Variants in PEBP4 observed in about 807,000 individuals in gnomAD.
The protein encoded by PEBP4 is phosphatidylethanolamine-binding protein 4.
Under a neutral mutation model 23.9 loss-of-function variants are expected in PEBP4, and 22 were observed. That is an observed-to-expected ratio of 0.92 (90% confidence interval 0.66 to 1.31). The LOEUF is 1.31. Ranked by LOEUF, PEBP4 falls within the 40% of genes most tolerant of loss-of-function variation. The probability of loss-of-function intolerance (pLI) is 0.00; values close to 1 mark genes in which losing one functional copy is unlikely to be tolerated. For synonymous variants in PEBP4, 112 were observed against 99.3 expected (o/e 1.13, Z -0.76); for missense variants, 324 against 281.7 (o/e 1.15, Z -1.07).
intron 3 of PEBP4, among the ~76,000 whole-genome samples, chr8:22,856,649 G>A (rs1807658698): frequency 6.6e-6 from 1 of 152,178 alleles, no homozygotes; most frequent in South Asian, 2.1e-4. Flanking sequence ...CCCAGAAGAA[G>A]AGGTTTCTGT....
intron 3 of PEBP4, among the ~76,000 whole-genome samples, chr8:22,858,081 T>G (rs569996207): frequency 6.6e-6 from 1 of 152,212 alleles, no homozygotes; most frequent in Non-Finnish European, 1.5e-5. Context: ...AGACATTTTG[T>G]TCTTGCTGCT....
At chr8:22,761,206 T>C (rs1805500179) in intron 4 of PEBP4, among the ~76,000 whole-genome samples, 2 of 152,096 alleles carry the variant, frequency 1.3e-5, no homozygotes, top group Non-Finnish European at 2.9e-5. Flanking sequence ...ATCTTGCAGG[T>C]GGGCCTGCCC....
At position 22,861,071 on chromosome 8, in the gene PEBP4, T is replaced by A. The variant is rs561644269; in HGVS notation, c.259-43336A>T. Among the ~76,000 whole-genome samples, 7 of 152,356 alleles carry A rather than the reference T, an allele frequency of 4.6e-5. No homozygotes were observed. The East Asian group carries it at 1.2e-3, about 25-fold the overall frequency. On this transcript the variant is annotated intron_variant, in intron 3 of 6. Transcript: ENST00000256404. ...ATTTGCATTCCTTGGAACGTAGAGC[T>A]TCTTGACTTCTAAGTGACTGGCCAG...
chr8:22,860,209 C>CATATATATGTATATATATATACACAT lies in PEBP4; in HGVS notation c.259-42475_259-42474insATGTGTATATATATATACATATATAT, dbSNP rs200272561. 8.3e-3 allele frequency among the ~76,000 whole-genome samples: 879 copies of CATATATATGTATATATATATACACAT among 105,950 alleles called. 68 individuals are homozygous for CATATATATGTATATATATATACACAT. Among genetic ancestry groups the CATATATATGTATATATATATACACAT allele is most frequent in the African/African-American group, 0.017 (415 of 24,146 alleles). 69.5% of individuals were successfully genotyped at this position (105,950 alleles called of 152,430 possible). Reference sequence around the variant, plus strand: ...ATATATATGTATATATATATATACACATATATGTATATATATATATGGTGC... The same window carrying CATATATATGTATATATATATACACAT: ...ATATATATGTATATATATATATACACATATATATGTATATATATATACACATATATATGTATATATATATATGGTGC... On this transcript the variant is annotated intron_variant, in intron 3 of 6. Transcript: ENST00000256404.
chr8:22,764,061 T>C (rs554264091), intron 4 of PEBP4, among the ~76,000 whole-genome samples: 1 of 152,304 alleles, frequency 6.6e-6, no homozygotes. Flanking sequence ...ATGTCAAGCC[T>C]TTCCTGGCCC....
Position 22,934,749 on chromosome 8 carries a change from T to C in PEBP4, c.145-7029A>G, listed in dbSNP as rs541861599. ...AATAACAAAATGGCAAAATAAGTCA[T>C]TGAGTCATTGTCTATCAGTAAATGG... On this transcript the variant is annotated intron_variant, in intron 1 of 1. Coordinates refer to the PEBP4 transcript ENST00000522278. Among the ~76,000 whole-genome samples, 19 of 152,326 alleles carry C rather than the reference T, an allele frequency of 1.2e-4. No individual in the cohort carries two copies. The South Asian group carries it at 2.3e-3, about 18-fold the overall frequency.
At chr8:22,917,632 C>T (rs945291671) in intron 3 of PEBP4, among the ~76,000 whole-genome samples, 1 of 100,110 alleles carries the variant, frequency 1.0e-5, no homozygotes, top group East Asian at 2.3e-4. Context: ...ATAGGACCTG[C>T]CTTGCATTTC....
chr8:22,809,491 C>T (rs1239281016), intron 4 of PEBP4, among the ~76,000 whole-genome samples: 1 of 152,042 alleles, frequency 6.6e-6, no homozygotes, highest in Non-Finnish European at 1.5e-5. Flanking sequence ...GGTGTGGAAC[C>T]CGTTTAGACT....
chr8:22,923,278 T>A (rs1333489286), intron 2 of PEBP4, among the ~76,000 whole-genome samples: 2 of 151,952 alleles, frequency 1.3e-5, no homozygotes, highest in African/African-American at 4.8e-5. Context: ...AAGAATTAGA[T>A]CACAAGGGCT....
rs1563212437 is a variant in PEBP4 at position 22,775,523 on chromosome 8, G to A, written c.357+42114C>T. ...AAGAGACAAGGTGGGTGGAATGGGG[G>A]AAGCCAGCTGGCTGTGGGCTCTATT... On this transcript the variant is annotated intron_variant, in intron 4 of 6. Transcript: ENST00000256404. This position sits in a 1 kb window ranked among gnomAD's most constrained non-coding sequence, Gnocchi z 4.8. Among the ~76,000 whole-genome samples the A allele has an allele frequency of 1.3e-5, 2 of 152,180 alleles. No individual in the cohort carries two copies. Among genetic ancestry groups the A allele is most frequent in the South Asian group, 2.1e-4 (1 of 4,828 alleles).
intron 3 of PEBP4, among the ~76,000 whole-genome samples, chr8:22,917,407 A>T (rs774689578): frequency 2.6e-5 from 4 of 152,092 alleles, no homozygotes; most frequent in Non-Finnish European, 5.9e-5. Flanking sequence ...CCTAGGAAGA[A>T]CTATCCTTCC....
chr8:22,874,501 C>G (rs1248031795), intron 3 of PEBP4, among the ~76,000 whole-genome samples: 1 of 152,192 alleles, frequency 6.6e-6, no homozygotes, highest in Admixed American at 6.5e-5. Context: ...AAAGCTGTCT[C>G]TTGCCAGCCC....
rs147059433 is a variant in PEBP4 at position 22,736,180 on chromosome 8, G to A, written c.358-8960C>T. ...AGCTGGCTGAGCCACAGGAAATTGT[G>A]GAGCCACCTCCTTTTGACTCTTGCC... On this transcript the variant is annotated intron_variant, in intron 4 of 6. Coordinates refer to ENST00000256404, the MANE Select transcript of PEBP4 (RefSeq NM_144962.3). 2.4e-3 allele frequency among the ~76,000 whole-genome samples: 365 copies of A among 152,188 alleles called. 2 individuals are homozygous for A. Among genetic ancestry groups the A allele is most frequent in the Middle Eastern group, 0.02 (6 of 294 alleles).
At chr8:22,938,554 G>A (rs1809569626) in intron 1 of PEBP4, among the ~76,000 whole-genome samples, 1 of 152,168 alleles carries the variant, frequency 6.6e-6, no homozygotes, top group Non-Finnish European at 1.5e-5. Flanking sequence ...CTTCATGGAG[G>A]AGGGACCCCA....
intron 4 of PEBP4, among the ~76,000 whole-genome samples, chr8:22,730,173 G>A (rs1050835884): frequency 1.3e-5 from 2 of 152,174 alleles, no homozygotes; most frequent in African/African-American, 4.8e-5. Context: ...AAAATACGGA[G>A]ATATTATCTG....
intron 3 of PEBP4, among the ~76,000 whole-genome samples, chr8:22,905,657 T>G (rs888580395): frequency 2.6e-5 from 4 of 152,002 alleles, no homozygotes; most frequent in African/African-American, 9.7e-5. Context: ...TCTCTAGGGG[T>G]CCGGAGGCAG....
intron 4 of PEBP4, among the ~76,000 whole-genome samples, chr8:22,791,807 A>C (rs567533625): frequency 6.6e-6 from 1 of 152,312 alleles, no homozygotes; most frequent in South Asian, 2.1e-4. Context: ...GTACAGCAAT[A>C]AACAAGTCAG....
chr8:22,904,389 C>A (rs1362517559), intron 3 of PEBP4, among the ~76,000 whole-genome samples: 2 of 152,208 alleles, frequency 1.3e-5, no homozygotes, highest in African/African-American at 4.8e-5. Flanking sequence ...CCAGCATTAA[C>A]CCTGCAGGGC....
intron 4 of PEBP4, among the ~76,000 whole-genome samples, chr8:22,779,135 G>C (rs187919929): frequency 6.6e-6 from 1 of 152,044 alleles, no homozygotes; most frequent in Non-Finnish European, 1.5e-5. Flanking sequence ...AGCTCTGCGC[G>C]TGTGATGGTG....
Sources: gnomAD v4.1 joint callset for allele counts (sites outside exome capture counted in the v4.1 genomes callset) on GRCh38, gnomAD v4.1.1 for gene constraint, Gnocchi (gnomAD v3.1) non-coding constraint, MANE v1.5 for transcripts, NCBI Gene and HGNC (gene_info 2026-07-23, HGNC 2026-07-21) for gene names.